ZNF804B: variants seen among roughly 807,000 people sequenced by gnomAD.
The protein encoded by ZNF804B is zinc finger 804B.
Under a neutral mutation model 101.4 loss-of-function variants are expected in ZNF804B, and 80 were observed. The observed-to-expected ratio is 0.79, with a 90% CI of 0.66 to 0.95. The LOEUF is 0.95. Among genes scored for constraint, ZNF804B ranks in the 40% least tolerant of loss-of-function variants. The probability of loss-of-function intolerance (pLI) is 0.00; values close to 1 mark genes in which losing one functional copy is unlikely to be tolerated. For missense variants in ZNF804B, 1,673 were observed against 1,561.9 expected (o/e 1.07, Z -1.20); for synonymous variants, 622 against 558.8 (o/e 1.11, Z -1.59).
chr7:89,172,270 C>G (rs1791249060), intron 1 of ZNF804B, among the ~76,000 whole-genome samples: 2 of 151,964 alleles, frequency 1.3e-5, no homozygotes, highest in African/African-American at 4.8e-5. Context: ...GAGAATAGTT[C>G]AAGCAAAAGA....
intron 1 of ZNF804B, among the ~76,000 whole-genome samples, chr7:88,772,456 A>T (rs1790083904): frequency 6.6e-6 from 1 of 152,202 alleles, no homozygotes; most frequent in Admixed American, 6.5e-5. Flanking sequence ...GAAGGTGAGA[A>T]AGCACAGTTA....
intron 1 of ZNF804B, among the ~76,000 whole-genome samples, chr7:89,153,062 A>G (rs1194727777): frequency 6.6e-6 from 1 of 151,928 alleles, no homozygotes; most frequent in African/African-American, 2.4e-5. Flanking sequence ...CAAATACTAT[A>G]TTTTATTTTT....
At chr7:88,843,033 T>G (rs1029290582) in intron 1 of ZNF804B, among the ~76,000 whole-genome samples, 1 of 152,198 alleles carries the variant, frequency 6.6e-6, no homozygotes, top group Non-Finnish European at 1.5e-5. Flanking sequence ...AATAAATAAT[T>G]TGACACATGC....
At position 88,819,276 on chromosome 7, in the gene ZNF804B, T is replaced by C. The variant is rs1334118728; in HGVS notation, c.108+59192T>C. ...GTAGCTAGGACCACTGGTGCATGCCTCCACACCTGGCTATTTTTTTTTTCT... is the reference window on the plus strand; with the variant it reads ...GTAGCTAGGACCACTGGTGCATGCCCCCACACCTGGCTATTTTTTTTTTCT... On this transcript the variant is annotated intron_variant, in intron 1 of 3. Transcript: ENST00000333190. Among the ~76,000 whole-genome samples the C allele has an allele frequency of 2.8e-5, 4 of 141,148 alleles. No individual in the cohort carries two copies. In the East Asian group the frequency reaches 9.7e-4, roughly 34 times the overall value. The allele number at this position is 141,148 out of a possible 152,430, so 92.6% of individuals were successfully genotyped here. A position where few individuals can be genotyped will look rare whatever the true frequency, so the allele number is the denominator to read the frequency against.
At chr7:88,776,243 G>C (rs1374740912) in intron 1 of ZNF804B, among the ~76,000 whole-genome samples, 1 of 152,172 alleles carries the variant, frequency 6.6e-6, no homozygotes, top group South Asian at 2.1e-4. Flanking sequence ...GTTAAAAACA[G>C]GTTTTCATGA....
At chr7:88,950,806 A>C (rs562615044) in intron 1 of ZNF804B, among the ~76,000 whole-genome samples, 12 of 152,028 alleles carry the variant, frequency 7.9e-5, no homozygotes, top group African/African-American at 2.6e-4. Flanking sequence ...TGCTAGCTAG[A>C]TATGGCTTAC....
chr7:88,807,223 T>G (rs1241122366), intron 1 of ZNF804B, among the ~76,000 whole-genome samples: 2 of 152,224 alleles, frequency 1.3e-5, no homozygotes, highest in East Asian at 1.9e-4. Flanking sequence ...TGCTGTTTTC[T>G]ATTTGACTTT....
chr7:89,192,969 A>G (rs961690167), intron 1 of ZNF804B, among the ~76,000 whole-genome samples: 1 of 152,128 alleles, frequency 6.6e-6, no homozygotes, highest in Non-Finnish European at 1.5e-5. Flanking sequence ...TTAAAAACTC[A>G]ATAAACTAGG....
At chr7:89,249,158 C>A (rs2115783260) in intron 2 of ZNF804B, among the ~76,000 whole-genome samples, 1 of 152,142 alleles carries the variant, frequency 6.6e-6, no homozygotes, top group South Asian at 2.1e-4. Context: ...ACAAGTACTT[C>A]TAGACCTATG....
At chr7:89,275,265 T>C (rs1401926734) in intron 2 of ZNF804B, among the ~76,000 whole-genome samples, 1 of 151,982 alleles carries the variant, frequency 6.6e-6, no homozygotes, top group East Asian at 1.9e-4. Flanking sequence ...ACTTTAAAAA[T>C]TTAGCAATTT....
chr7:89,303,798 T>C (rs1053466713), intron 2 of ZNF804B, among the ~76,000 whole-genome samples: 5 of 151,932 alleles, frequency 3.3e-5, no homozygotes, highest in African/African-American at 1.2e-4. Flanking sequence ...TGAAAAAGAC[T>C]ATAAAACTGC....
chr7:88,880,564 TTTG>T (rs1446287856), intron 1 of ZNF804B, among the ~76,000 whole-genome samples: 3 of 152,158 alleles, frequency 2.0e-5, no homozygotes, highest in Non-Finnish European at 2.9e-5. Context: ...TAAAAATTGC[TTTG>T]TTGTCTTAAT....
intron 2 of ZNF804B, among the ~76,000 whole-genome samples, chr7:89,297,594 ACTTTATTTG>A (rs1159087504): frequency 4.6e-5 from 7 of 151,996 alleles, no homozygotes; most frequent in African/African-American, 1.7e-4. Context: ...AGCATTTATC[ACTTTATTTG>A]GGGGTAGGGT....
chr7:88,845,294 C>CGT (rs1791354935), intron 1 of ZNF804B, among the ~76,000 whole-genome samples: 4 of 123,528 alleles, frequency 3.2e-5, no homozygotes, highest in Non-Finnish European at 6.6e-5. Flanking sequence ...CGCGCGCGCA[C>CGT]GCGCGCGCAC....
At chr7:89,087,922 G>A (rs6976179) in intron 1 of ZNF804B, among the ~76,000 whole-genome samples, 66,906 of 151,134 alleles carry the variant, frequency 0.44, 15,627 homozygotes, top group Non-Finnish European at 0.52. Context: ...TGGAAATAAA[G>A]ATCTCTCAAC....
At chr7:89,173,419 A>C (rs1791268820) in intron 1 of ZNF804B, among the ~76,000 whole-genome samples, 1 of 152,056 alleles carries the variant, frequency 6.6e-6, no homozygotes. Context: ...TCAAATATTT[A>C]ATAAAGCTGA....
At chr7:89,105,791 G>C (rs998640639) in intron 1 of ZNF804B, among the ~76,000 whole-genome samples, 1 of 152,156 alleles carries the variant, frequency 6.6e-6, no homozygotes, top group Non-Finnish European at 1.5e-5. Flanking sequence ...CCAGATACCA[G>C]TAGCAAGCCC....
chr7:89,211,322 T>G (rs570851853), intron 1 of ZNF804B, among the ~76,000 whole-genome samples: 4 of 152,254 alleles, frequency 2.6e-5, no homozygotes, highest in South Asian at 4.1e-4. Flanking sequence ...TAGTGGGTTT[T>G]TTGTTGTTGT....
At chr7:89,032,329 G>A (rs1788850577) in intron 1 of ZNF804B, among the ~76,000 whole-genome samples, 1 of 151,392 alleles carries the variant, frequency 6.6e-6, no homozygotes, top group African/African-American at 2.4e-5. Context: ...GTGGGGGAGA[G>A]AATGAGTTAA....
Sources: gnomAD v4.1 joint callset for allele counts (sites outside exome capture counted in the v4.1 genomes callset) on GRCh38, gnomAD v4.1.1 for gene constraint, MANE v1.5 for transcripts, NCBI Gene and HGNC (gene_info 2026-07-23, HGNC 2026-07-21) for gene names.